MSN: variants seen among roughly 807,000 people sequenced by gnomAD.
MSN encodes moesin, also known as epididymis luminal protein 70.
In MSN, 2 loss-of-function variants were observed where a neutral mutation model predicts 48.0. That is an observed-to-expected ratio of 0.04 (90% confidence interval 0.02 to 0.13). The LOEUF is 0.13. MSN is among the 10% of genes least tolerant of loss of function. The pLI, the probability that MSN is intolerant of heterozygous loss-of-function variation, is 1.00. For missense variants in MSN, 267 were observed against 470.1 expected, an observed-to-expected ratio of 0.57 and a Z score of 3.99; for synonymous variants, 146 against 166.9, an observed-to-expected ratio of 0.87 and a Z score of 0.97.
intron 2 of MSN, among the ~76,000 whole-genome samples, chrX:65,726,108 A>T (rs751937528): frequency 9.0e-6 from 1 of 111,526 alleles, no homozygotes; most frequent in Non-Finnish European, 1.9e-5. Context: ...CTTGGGGGAC[A>T]TGGCTTCTCC....
intron 1 of MSN, chrX:65,716,530 C>T (rs2071466802): frequency 2.7e-6 from 1 of 366,436 alleles, no homozygotes; most frequent in East Asian, 6.7e-5. Context: ...CCCACCTCGG[C>T]CTCCCAAAGT....
chrX:65,609,650 A>G (rs780786202), intron 1 of MSN, among the ~76,000 whole-genome samples: 6 of 111,458 alleles, frequency 5.4e-5, no homozygotes, highest in African/African-American at 1.3e-4. Context: ...TTGGGAGGCC[A>G]AGGTGGGCGG....
chrX:65,683,297 C>T (rs2071075619), intron 1 of MSN, among the ~76,000 whole-genome samples: 1 of 110,505 alleles, frequency 9.0e-6, no homozygotes, highest in Admixed American at 9.7e-5. Flanking sequence ...AAGAGACAGG[C>T]ATAGACCAGG....
chrX:65,603,766 T>C (rs1357368216), intron 1 of MSN, among the ~76,000 whole-genome samples: 1 of 111,856 alleles, frequency 8.9e-6, no homozygotes, highest in African/African-American at 3.3e-5. Context: ...ATATCTACCA[T>C]TATGTTCAAA....
intron 1 of MSN, among the ~76,000 whole-genome samples, chrX:65,631,217 T>A (rs936135784): frequency 9.1e-6 from 1 of 109,881 alleles, no homozygotes; most frequent in Admixed American, 9.8e-5. Context: ...TGCCTCAGCT[T>A]CGAGTAGCTG....
intron 1 of MSN, among the ~76,000 whole-genome samples, chrX:65,602,314 C>T (rs754862598): frequency 8.1e-5 from 9 of 111,307 alleles, no homozygotes; most frequent in Non-Finnish European, 1.7e-4. Flanking sequence ...AGGATGTCCT[C>T]CATCTGTTTC....
At chrX:65,618,755 G>A (rs2070402138) in intron 1 of MSN, among the ~76,000 whole-genome samples, 1 of 110,350 alleles carries the variant, frequency 9.1e-6, no homozygotes, top group Admixed American at 9.6e-5. Flanking sequence ...TCATTATGAT[G>A]TTAGCTGGTG....
chrX:65,656,412 T>C (rs2070781666), intron 1 of MSN, among the ~76,000 whole-genome samples: 1 of 110,253 alleles, frequency 9.1e-6, no homozygotes, highest in African/African-American at 3.3e-5. Flanking sequence ...TGAAGGGGAA[T>C]GTGTGCCCTT....
chrX:65,678,552 A>C (rs1452985829), intron 1 of MSN, among the ~76,000 whole-genome samples: 2 of 111,049 alleles, frequency 1.8e-5, no homozygotes, highest in East Asian at 5.7e-4. Context: ...CCAGTTGGTA[A>C]GTCTAGTTCT....
chrX:65,589,020 A>T, intron 1 of MSN: 1 of 137,478 alleles, frequency 7.3e-6, no homozygotes, highest in Non-Finnish European at 1.5e-5. Context: ...TGGAGTCAAT[A>T]ACCACCACTG....
At chrX:65,671,130 C>A (rs190176969) in intron 1 of MSN, among the ~76,000 whole-genome samples, 7 of 106,637 alleles carry the variant, frequency 6.6e-5, no homozygotes, top group Admixed American at 1.0e-4. Flanking sequence ...AAAAGGCTCT[C>A]CACAACTATA....
upstream of MSN, among the ~76,000 whole-genome samples, chrX:65,665,325 G>A (rs756439544): frequency 8.0e-5 from 9 of 112,100 alleles, no homozygotes; most frequent in African/African-American, 2.9e-4. Flanking sequence ...GTATTAAGGC[G>A]TGTGATGAGC....
intron 1 of MSN, among the ~76,000 whole-genome samples, chrX:65,673,655 G>GCATC (rs757564940): frequency 1.8e-5 from 2 of 111,620 alleles, no homozygotes; most frequent in East Asian, 5.6e-4. Context: ...AAAGGCATTT[G>GCATC]CATCTAGGGC....
At chrX:65,704,923 C>A (rs180929524) in intron 1 of MSN, among the ~76,000 whole-genome samples, 223 of 110,160 alleles carry the variant, frequency 2.0e-3, no homozygotes, top group African/African-American at 7.1e-3. Context: ...GCACACAACA[C>A]CATGCCTGGC....
intron 1 of MSN, among the ~76,000 whole-genome samples, chrX:65,684,081 TA>T (rs1322116546): frequency 9.2e-6 from 1 of 108,722 alleles, no homozygotes; most frequent in Non-Finnish European, 1.9e-5. Flanking sequence ...GCTGGGGTTA[TA>T]GGTGCCTGCC....
chrX:65,733,292 C>G lies in MSN; in HGVS notation c.795+12C>G. On this transcript the variant is annotated intron_variant, in intron 7 of 12. Coordinates refer to ENST00000360270, the MANE Select transcript of MSN (RefSeq NM_002444.3). The stretch of plus-strand genomic sequence containing the variant: ...ACAAAAAAGCCCCGGTGAGTGATTC[C>G]TCCCTCTGACCAAGACAGGTACTTG... 1 of 1,159,149 alleles carries G rather than the reference C, an allele frequency of 8.6e-7. No homozygotes were observed.
intron 1 of MSN, among the ~76,000 whole-genome samples, chrX:65,679,444 T>TA (rs761938680): frequency 9.0e-6 from 1 of 111,683 alleles, no homozygotes; most frequent in Admixed American, 9.5e-5. Context: ...AGCTAGGTGA[T>TA]ATGGGCTTGG....
At position 65,646,258 on chromosome X, in the gene MSN, C is replaced by T. The variant is rs1174451581; in HGVS notation, c.-22+57646C>T. ...GTTAATAATTTCTCCTCTTTCATTT[C>T]TCCCCTCAACAGGGTTCCTCAGTTT... On this transcript the variant is annotated intron_variant, in intron 1 of 3. Coordinates refer to the MSN transcript ENST00000609672. Among the ~76,000 whole-genome samples the T allele has an allele frequency of 2.7e-5, 3 of 111,924 alleles. No homozygotes were observed. The Admixed American group carries it at 2.9e-4, about 11-fold the overall frequency.
chrX:65,601,443 A>G (rs1273366392), intron 1 of MSN, among the ~76,000 whole-genome samples: 1 of 112,573 alleles, frequency 8.9e-6, no homozygotes, highest in East Asian at 2.8e-4. Context: ...CATTAAAAGA[A>G]GTAGAATAAC....
Sources: gnomAD v4.1 joint callset for allele counts (sites outside exome capture counted in the v4.1 genomes callset) on GRCh38, gnomAD v4.1.1 for gene constraint, MANE v1.5 for transcripts, NCBI Gene and HGNC (gene_info 2026-07-23, HGNC 2026-07-21) for gene names.